The following CRYBG3 variants were observed in gnomAD, a reference collection of about 807,000 sequenced individuals.
The protein encoded by CRYBG3 is crystallin beta-gamma domain containing 3, also known as very large A-kinase anchor protein.
Under a neutral mutation model 244.2 loss-of-function variants are expected in CRYBG3, and 127 were observed. The ratio of observed to expected loss-of-function variants is 0.52; its 90% CI spans 0.45 to 0.60. CRYBG3 has a LOEUF of 0.60. CRYBG3 is among the 20% of genes least tolerant of loss of function. CRYBG3 has a pLI of 0.00. For synonymous variants in CRYBG3, 1,132 were observed against 1,195.8 expected (o/e 0.95, Z 1.10); for missense variants, 3,325 against 3,442.5 (o/e 0.97, Z 0.85).
Position 97,875,761 on chromosome 3 carries a change from G to C in CRYBG3, c.4567G>C (p.Gly1523Arg). The C allele has an allele frequency of 8.1e-7, 1 of 1,231,986 alleles. No homozygotes were observed. Among genetic ancestry groups the C allele is most frequent in the Non-Finnish European group, 1.0e-6 (1 of 987,892 alleles). The allele number at this position is 1,231,986 out of a possible 1,614,324, so 76.3% of individuals were successfully genotyped here. Residue 1523 changes from glycine to arginine, a missense_variant, in exon 4 of 22, where the codon GGG (glycine) becomes CGG (arginine). Gly to Arg is a moderately radical substitution (Grantham distance 125). Transcript: ENST00000389622. Reference sequence around the variant, plus strand: ...CACACCTCTTGCAATGTCAGATGTAGGGAAAGTACACAAGAAGGATAATGA... The same window carrying C: ...CACACCTCTTGCAATGTCAGATGTACGGAAAGTACACAAGAAGGATAATGA... ...KNTPLAMSDV[G>R]KVHKKDNEIN...
At chr3:97,911,682 C>T (rs1482058759) in intron 15 of CRYBG3, among the ~76,000 whole-genome samples, 1 of 152,210 alleles carries the variant, frequency 6.6e-6, no homozygotes, top group East Asian at 1.9e-4. Context: ...TGCTCGTGCT[C>T]TCCTCTTCTT....
chr3:97,865,662 C>A (rs1396489750), intron 3 of CRYBG3, among the ~76,000 whole-genome samples: 1 of 152,074 alleles, frequency 6.6e-6, no homozygotes, highest in Non-Finnish European at 1.5e-5. Flanking sequence ...TTAAATCGAG[C>A]AGAGTAGGCA....
intron 2 of CRYBG3, among the ~76,000 whole-genome samples, chr3:97,860,715 T>C (rs1197698482): frequency 6.6e-6 from 1 of 152,134 alleles, no homozygotes; most frequent in Admixed American, 6.6e-5. Context: ...CTTTGTTTCT[T>C]TGGAGATCTC....
Position 97,869,516 on chromosome 3 carries a change from C to T in CRYBG3, c.648-2326C>T, listed in dbSNP as rs565851746. Among the ~76,000 whole-genome samples, 79 of 152,118 alleles carry T rather than the reference C, an allele frequency of 5.2e-4. 1 individual carries two copies. Among genetic ancestry groups the T allele is most frequent in the Non-Finnish European group, 1.0e-4 (7 of 67,980 alleles). On this transcript the variant is annotated intron_variant, in intron 3 of 21. Coordinates refer to ENST00000389622, the MANE Select transcript of CRYBG3 (RefSeq NM_153605.4). ...TTTATGTCATAGTTGGCTCTGTGCACGAGGCTTACATAGAGAGATTAATAA... is the reference window on the plus strand; with the variant it reads ...TTTATGTCATAGTTGGCTCTGTGCATGAGGCTTACATAGAGAGATTAATAA...
Position 97,875,547 on chromosome 3 carries a change from T to C in CRYBG3, c.4353T>C (p.Asn1451=). ...ATTTATTTCGCAGTGAGGACTGTAA[T>C]GAGACAATGGAAATAGAGAATGTGG... ...KTHLFRSEDC[N]ETMEIENVDN... Residue 1451 remains asparagine, a synonymous_variant, in exon 4 of 22, where the codon AAT becomes AAC. Coordinates refer to ENST00000389622, the MANE Select transcript of CRYBG3 (RefSeq NM_153605.4). The C allele has an allele frequency of 8.0e-7, 1 of 1,249,506 alleles. No homozygotes were observed. The highest frequency in any genetic ancestry group is 1.0e-6 in the Non-Finnish European group (1 of 999,522). The allele number at this position is 1,249,506 out of a possible 1,614,324, so 77.4% of individuals were successfully genotyped here.
intron 2 of CRYBG3, among the ~76,000 whole-genome samples, chr3:97,852,775 C>G (rs1422503010): frequency 1.3e-5 from 2 of 152,150 alleles, no homozygotes; most frequent in South Asian, 4.2e-4. Flanking sequence ...AATGATTGTA[C>G]CAGTTTATAT....
At chr3:97,841,416 C>T (rs1052878868) in intron 1 of CRYBG3, among the ~76,000 whole-genome samples, 1 of 151,608 alleles carries the variant, frequency 6.6e-6, no homozygotes, top group African/African-American at 2.4e-5. Flanking sequence ...CCGTTTGGTC[C>T]ATGTGTTTCT....
At chr3:97,932,399 C>T (rs981443151) in intron 17 of CRYBG3, among the ~76,000 whole-genome samples, 36 of 151,986 alleles carry the variant, frequency 2.4e-4, no homozygotes, top group African/African-American at 8.0e-4. Context: ...TCCTGATGGG[C>T]GTTTAAATCA....
In CRYBG3 at chr3:97,877,021, G is replaced by C; in HGVS notation, c.5827G>C (p.Gly1943Arg). 6.4e-7 allele frequency: 1 copy of C among 1,568,038 alleles called. No homozygotes were observed. The highest frequency in any genetic ancestry group is 8.6e-7 in the Non-Finnish European group (1 of 1,158,738). ...ESPTLSKDYE[G>R]YPAPAMPDFQ... is the part of the protein sequence containing the mutation. Reference sequence around the variant, plus strand: ...CCCTACATTAAGTAAGGATTATGAGGGCTACCCAGCCCCAGCAATGCCAGA... The same window carrying C: ...CCCTACATTAAGTAAGGATTATGAGCGCTACCCAGCCCCAGCAATGCCAGA... Residue 1943 changes from glycine to arginine, a missense_variant, in exon 4 of 22, where the codon GGC becomes CGC. By Grantham distance (125) the Gly-to-Arg change is moderately radical (BLOSUM62 -2). Transcript: ENST00000389622.
At chr3:97,923,573 T>C (rs992387371) in intron 17 of CRYBG3, among the ~76,000 whole-genome samples, 1 of 150,162 alleles carries the variant, frequency 6.7e-6, no homozygotes, top group Non-Finnish European at 1.5e-5. Flanking sequence ...TTCTATCTAA[T>C]AAAAAAAAAT....
At chr3:97,886,006 G>T (rs1196404651) in intron 7 of CRYBG3, among the ~76,000 whole-genome samples, 1 of 152,134 alleles carries the variant, frequency 6.6e-6, no homozygotes, top group African/African-American at 2.4e-5. Flanking sequence ...GGTCTCACAG[G>T]ACAATGGGTG....
intron 7 of CRYBG3, among the ~76,000 whole-genome samples, chr3:97,885,434 A>G (rs577566258): frequency 1.3e-5 from 2 of 152,276 alleles, no homozygotes; most frequent in South Asian, 2.1e-4. Context: ...GTCATAGGGG[A>G]TAATTACTAA....
chr3:97,885,094 A>G (rs1042194318), intron 7 of CRYBG3, among the ~76,000 whole-genome samples: 1 of 152,160 alleles, frequency 6.6e-6, no homozygotes, highest in Non-Finnish European at 1.5e-5. Context: ...AGCCTTGAGG[A>G]TTGACAGGTG....
chr3:97,896,961 A>G (rs973823280), intron 12 of CRYBG3, among the ~76,000 whole-genome samples: 2 of 152,132 alleles, frequency 1.3e-5, no homozygotes, highest in African/African-American at 2.4e-5. Flanking sequence ...ATGAAGGGCC[A>G]TATTGAGTAG....
chr3:97,874,927 G>C lies in CRYBG3; in HGVS notation c.3733G>C (p.Glu1245Gln), dbSNP rs1412095475. 8 of 1,535,580 alleles carry C rather than the reference G, an allele frequency of 5.2e-6. No homozygotes were observed. The East Asian group carries it at 1.7e-4, about 33-fold the overall frequency. The change falls in exon 4 of 22, where the codon GAG becomes CAG. Residue 1245 changes from glutamate to glutamine, a missense_variant. Physicochemically the swap from Glu to Gln is conservative, Grantham distance 29. This residue lies in a region of CRYBG3 where 1,526 missense variants were observed against 1,443.2 expected (regional missense o/e 1.06). Transcript: ENST00000389622. ...NLGTLKEDIS[E>Q]KNPSEVTLTE... is the part of the protein sequence containing the mutation. ...GGGTACCCTGAAAGAAGACATCTCTGAGAAAAACCCATCAGAAGTGACACT... is the reference window on the plus strand; with the variant it reads ...GGGTACCCTGAAAGAAGACATCTCTCAGAAAAACCCATCAGAAGTGACACT...
chr3:97,930,602 A>G (rs1249352386), intron 17 of CRYBG3, among the ~76,000 whole-genome samples: 1 of 152,054 alleles, frequency 6.6e-6, no homozygotes, highest in Non-Finnish European at 1.5e-5. Flanking sequence ...CTCACTGCAC[A>G]CAGCAATTGT....
At chr3:97,822,378 C>T (rs1559708450) in intron 1 of CRYBG3, 23 bp downstream of exon 1, 2 of 1,485,404 alleles carry the variant, frequency 1.3e-6, no homozygotes, top group South Asian at 2.6e-5. Flanking sequence ...GAGGGGGTCG[C>T]GGGGGGGCCC....
At chr3:97,929,905 T>C (rs1385879486) in intron 17 of CRYBG3, among the ~76,000 whole-genome samples, 1 of 152,068 alleles carries the variant, frequency 6.6e-6, no homozygotes, top group Admixed American at 6.6e-5. Context: ...CTTTTTATCT[T>C]TTCTTGAGAT....
Position 97,892,612 on chromosome 3 carries a change from C to T in CRYBG3, c.7441-248C>T, listed in dbSNP as rs141922888. Among the ~76,000 whole-genome samples, 549 of 152,064 alleles carry T rather than the reference C, an allele frequency of 3.6e-3. 5 individuals carry two copies. The highest frequency in any genetic ancestry group is 0.012 in the African/African-American group (516 of 41,496). On this transcript the variant is annotated intron_variant, in intron 10 of 21. Transcript: ENST00000389622. ...TTTTTCAAACTACTGTTTTGTTCTTCTTAGCACCTCGAAGTAGATCCTTTT... is the reference window on the plus strand; with the variant it reads ...TTTTTCAAACTACTGTTTTGTTCTTTTTAGCACCTCGAAGTAGATCCTTTT...
Sources: allele counts gnomAD v4.1 joint callset (sites outside exome capture counted in the v4.1 genomes callset), GRCh38; gene constraint gnomAD v4.1.1; regional missense constraint gnomAD v4.1.1; transcripts MANE v1.5; gene names NCBI Gene and HGNC (gene_info 2026-07-23, HGNC 2026-07-21).